TNFAIP8: variants seen among roughly 807,000 people sequenced by gnomAD.
TNFAIP8 encodes TNF alpha induced protein 8.
In TNFAIP8, 7 loss-of-function variants were observed where a neutral mutation model predicts 13.3. The ratio of observed to expected loss-of-function variants is 0.52; its 90% CI spans 0.30 to 0.99. The LOEUF is 0.99. Among genes scored for constraint, TNFAIP8 ranks in the 50% least tolerant of loss-of-function variants. TNFAIP8 has a pLI of 0.07. For missense variants in TNFAIP8, 258 were observed against 236.9 expected (o/e 1.09, Z -0.58); for synonymous variants, 94 against 87.6 (o/e 1.07, Z -0.41).
At chr5:119,334,048 C>T (rs951333946) in intron 1 of TNFAIP8, among the ~76,000 whole-genome samples, 6 of 150,896 alleles carry the variant, frequency 4.0e-5, no homozygotes, top group Admixed American at 4.0e-4. Context: ...GTGGTAACAC[C>T]GTGGGGCAAC....
intron 1 of TNFAIP8, among the ~76,000 whole-genome samples, chr5:119,370,686 A>G (rs1199305541): frequency 6.6e-6 from 1 of 152,268 alleles, no homozygotes; most frequent in Admixed American, 6.5e-5. Flanking sequence ...GTCTGCAGCC[A>G]GAGTTCCAAG....
At chr5:119,353,686 A>T (rs1751267173), upstream of TNFAIP8, among the ~76,000 whole-genome samples, 1 of 139,962 alleles carries the variant, frequency 7.1e-6, no homozygotes, top group Non-Finnish European at 1.6e-5. Context: ...TTCATTCAGC[A>T]GTTGTAAAAC....
At chr5:119,316,947 A>G (rs1270634046) in intron 1 of TNFAIP8, among the ~76,000 whole-genome samples, 1 of 152,228 alleles carries the variant, frequency 6.6e-6, no homozygotes, top group African/African-American at 2.4e-5. Context: ...CATAACAATT[A>G]TGTGGGCCAA....
At chr5:119,389,578 G>T (rs557203474) in intron 1 of TNFAIP8, among the ~76,000 whole-genome samples, 15 of 152,226 alleles carry the variant, frequency 9.9e-5, no homozygotes, top group African/African-American at 3.6e-4. Flanking sequence ...CATGAGCACA[G>T]ACCACACATC....
intron 1 of TNFAIP8, among the ~76,000 whole-genome samples, chr5:119,322,025 A>T (rs929670900): frequency 1.3e-5 from 2 of 152,002 alleles, no homozygotes; most frequent in Middle Eastern, 3.4e-3. Flanking sequence ...GCCTTTGCAC[A>T]CACCCCTCCC....
intron 1 of TNFAIP8, among the ~76,000 whole-genome samples, chr5:119,272,938 G>C (rs1389711042): frequency 6.6e-6 from 1 of 152,198 alleles, no homozygotes; most frequent in African/African-American, 2.4e-5. Context: ...GTGGTCACAG[G>C]ATTGAGACTC....
intron 1 of TNFAIP8, among the ~76,000 whole-genome samples, chr5:119,318,690 C>G (rs1003093875): frequency 1.9e-4 from 28 of 148,244 alleles, no homozygotes; most frequent in Admixed American, 1.3e-3. Flanking sequence ...CTGCCCCCTC[C>G]CCTCTCCTGT....
chr5:119,336,587 A>T (rs559199566), intron 1 of TNFAIP8, among the ~76,000 whole-genome samples: 56 of 152,328 alleles, frequency 3.7e-4, no homozygotes, highest in Middle Eastern at 3.4e-3. Context: ...TGCTATGGAG[A>T]TAAATCCTTC....
At chr5:119,306,018 A>T (rs1749541457) in intron 1 of TNFAIP8, among the ~76,000 whole-genome samples, 1 of 152,006 alleles carries the variant, frequency 6.6e-6, no homozygotes, top group African/African-American at 2.4e-5. Context: ...CCTGCCCTCA[A>T]CCCCGCTGCC....
intron 1 of TNFAIP8, among the ~76,000 whole-genome samples, chr5:119,334,883 G>T (rs1321535308): frequency 6.6e-6 from 1 of 152,080 alleles, no homozygotes. Context: ...TTTGGGTAGA[G>T]TTCCAAAGGG....
chr5:119,342,274 C>G (rs754997972), intron 1 of TNFAIP8, among the ~76,000 whole-genome samples: 26 of 152,192 alleles, frequency 1.7e-4, no homozygotes, highest in Non-Finnish European at 3.7e-4. Context: ...GTGTTGTCCC[C>G]TTTAGGTTAG....
intron 1 of TNFAIP8, among the ~76,000 whole-genome samples, chr5:119,299,571 G>T (rs1298006996): frequency 2.0e-5 from 3 of 152,136 alleles, no homozygotes; most frequent in Non-Finnish European, 4.4e-5. Context: ...AGGGACCCTC[G>T]TGAGGAGGCA....
chr5:119,392,964 G>A lies in TNFAIP8; in HGVS notation c.180G>A (p.Glu60=), dbSNP rs1175094113. 6.2e-7 allele frequency: 1 copy of A among 1,611,570 alleles called. No homozygotes were observed. Among genetic ancestry groups the A allele is most frequent in the Non-Finnish European group, 8.5e-7 (1 of 1,178,902 alleles). Residue 60 remains glutamate (E), a synonymous_variant, in exon 2 of 2, where the codon GAG becomes GAA. Coordinates refer to ENST00000504771, the MANE Select transcript of TNFAIP8 (RefSeq NM_014350.4). ...ATGAGCTCTACAGAGTGACCAGGGA[G>A]TACACCCAAAACAAGAAGGAGGCAG... is the stretch of plus-strand genomic sequence containing the variant. ...VLDELYRVTR[E]YTQNKKEAEK... is the part of the protein sequence containing the mutation.
intron 1 of TNFAIP8, among the ~76,000 whole-genome samples, chr5:119,307,208 A>G (rs1561993825): frequency 6.6e-6 from 1 of 152,180 alleles, no homozygotes; most frequent in Non-Finnish European, 1.5e-5. Context: ...CCATATTAAG[A>G]TATGTATTCT....
intron 1 of TNFAIP8, among the ~76,000 whole-genome samples, chr5:119,362,620 A>ACCC (rs545757509): frequency 5.0e-4 from 75 of 151,474 alleles, no homozygotes; most frequent in African/African-American, 1.4e-3. Flanking sequence ...ACAAAGTGAG[A>ACCC]CCCCCCATCT....
chr5:119,388,811 T>G (rs1215538178), intron 1 of TNFAIP8, among the ~76,000 whole-genome samples: 4 of 151,390 alleles, frequency 2.6e-5, no homozygotes, highest in African/African-American at 7.3e-5. Flanking sequence ...TTTTTTTTTT[T>G]TTGAGTTTTT....
intron 1 of TNFAIP8, among the ~76,000 whole-genome samples, chr5:119,288,099 G>A (rs1484584411): frequency 6.6e-6 from 1 of 152,098 alleles, no homozygotes; most frequent in African/African-American, 2.4e-5. Flanking sequence ...AGAAAAAACA[G>A]TAAGGTTATA....
chr5:119,313,847 G>C (rs905628158), intron 1 of TNFAIP8, among the ~76,000 whole-genome samples: 1 of 152,204 alleles, frequency 6.6e-6, no homozygotes, highest in Non-Finnish European at 1.5e-5. Flanking sequence ...CTTAGCTTTT[G>C]AATTAAGTGC....
chr5:119,394,611 A>ATTTTTTTTTTTTTTTTTTTTTTTTT lies in TNFAIP8; in HGVS notation c.*1249_*1250insTTTTTTTTTTTTTTTTTTTTTTTTT, dbSNP rs397963876. 1.3e-3 allele frequency: 153 copies of ATTTTTTTTTTTTTTTTTTTTTTTTT among 114,676 alleles called. 8 individuals are homozygous for ATTTTTTTTTTTTTTTTTTTTTTTTT. Among genetic ancestry groups the ATTTTTTTTTTTTTTTTTTTTTTTTT allele is most frequent in the African/African-American group, 1.9e-3 (46 of 24,790 alleles). The allele number at this position is 114,676 out of a possible 1,614,324, so 7.1% of individuals were successfully genotyped here. A position where few individuals can be genotyped will look rare whatever the true frequency, so the allele number is the denominator to read the frequency against. On this transcript the variant is annotated 3_prime_UTR_variant, in exon 2 of 2. Coordinates refer to ENST00000504771, the MANE Select transcript of TNFAIP8 (RefSeq NM_014350.4). ...CATTTCCATTGTCACTGTGTCTATG[A>ATTTTTTTTTTTTTTTTTTTTTTTTT]TTTTTTTTTTTTTTTTTTTGAGTCT...
Sources: gnomAD v4.1 joint callset for allele counts (sites outside exome capture counted in the v4.1 genomes callset) on GRCh38, gnomAD v4.1.1 for gene constraint, MANE v1.5 for transcripts, NCBI Gene and HGNC (gene_info 2026-07-23, HGNC 2026-07-21) for gene names.